Variants in ATAD3A observed in about 807,000 individuals in gnomAD.
ATAD3A encodes the protein ATPase family AAA domain-containing protein 3A.
ATAD3A carries 46 observed loss-of-function variants against 73.8 expected under a neutral mutation model. The observed-to-expected ratio is 0.62, with a 90% CI of 0.49 to 0.80. The LOEUF is 0.80. ATAD3A is among the 30% of genes least tolerant of loss of function. The pLI is 0.00. For missense variants in ATAD3A, 705 were observed against 838.0 expected, an observed-to-expected ratio of 0.84 and a Z score of 1.96; for synonymous variants, 319 against 350.0, an observed-to-expected ratio of 0.91 and a Z score of 0.99.
chr1:1,519,864 C>G (rs1245209360), intron 5 of ATAD3A, among the ~76,000 whole-genome samples: 2 of 152,246 alleles, frequency 1.3e-5, no homozygotes, highest in African/African-American at 4.8e-5. Flanking sequence ...GTGGCGCTGT[C>G]CCTACCAAGG....
chr1:1,525,301 A>C lies in ATAD3A; in HGVS notation c.1266+10A>C, dbSNP rs780864005. 1 of 1,613,218 alleles carries C rather than the reference A, an allele frequency of 6.2e-7. No individual in the cohort carries two copies. Among genetic ancestry groups the C allele is most frequent in the African/African-American group, 1.3e-5 (1 of 74,658 alleles). ...TCGGAAGCGAGCCACCGTGAGTGTC[A>C]CTAAGCCTCTGGCCACAATGGGGTG... On this transcript the variant is annotated intron_variant, in intron 12 of 15. Transcript: ENST00000378756.
Position 1,523,226 on chromosome 1 carries a change from C to T in ATAD3A, c.907-285C>T, listed in dbSNP as rs1209087666. ...TACAGGCCACGGCGTCTGGTGGCCT[C>T]CCTGGGGAGCCGCGCCGCTCGCCGC... On this transcript the variant is annotated intron_variant, in intron 8 of 15. Coordinates refer to ENST00000378756, the MANE Select transcript of ATAD3A (RefSeq NM_001170535.3). This position sits in a 1 kb window ranked among gnomAD's most constrained non-coding sequence, Gnocchi z 5.1. 2.0e-5 allele frequency among the ~76,000 whole-genome samples: 3 copies of T among 152,064 alleles called. No individual in the cohort carries two copies. The highest frequency in any genetic ancestry group is 2.9e-5 in the Non-Finnish European group (2 of 68,012).
rs1479695470 is a variant in ATAD3A, at chr1:1,516,440, C to T, written c.282+352C>T. On this transcript the variant is annotated intron_variant, in intron 2 of 15. Transcript: ENST00000378756. ...TTCGTTTTATTTATTTATTTTGAAA[C>T]GGAGTCTCTGTTTCCCAGGCTGGAG... Among the ~76,000 whole-genome samples, 8 of 152,014 alleles carry T rather than the reference C, an allele frequency of 5.3e-5. No individual in the cohort carries two copies. The South Asian group carries it at 6.2e-4, about 12-fold the overall frequency.
Position 1,520,691 on chromosome 1 carries a change from C to T in ATAD3A, c.750+74C>T, listed in dbSNP as rs1570333087. The T allele has an allele frequency of 6.2e-7, 1 of 1,609,184 alleles. No individual in the cohort carries two copies. Among genetic ancestry groups the T allele is most frequent in the East Asian group, 2.2e-5 (1 of 44,830 alleles). On this transcript the variant is annotated intron_variant, in intron 7 of 15. Coordinates refer to ENST00000378756, the MANE Select transcript of ATAD3A (RefSeq NM_001170535.3). The surrounding 1 kb of genome is among the most constrained non-coding windows in gnomAD (Gnocchi z 4.0). ...GTGGGGGCCTCCTGGAGCCCCAGGT[C>T]CTGTCCCTGCCGGCTCTGCACAGCC...
chr1:1,521,735 CTG>C (rs1425556175), intron 7 of ATAD3A, among the ~76,000 whole-genome samples: 24 of 152,324 alleles, frequency 1.6e-4, no homozygotes, highest in Non-Finnish European at 2.6e-4. Flanking sequence ...GGGTCTTGCT[CTG>C]TGGTCAGACT....
intron 15 of ATAD3A, among the ~76,000 whole-genome samples, chr1:1,532,823 T>C (rs1262267185): frequency 6.6e-6 from 1 of 151,726 alleles, no homozygotes; most frequent in Non-Finnish European, 1.5e-5. Flanking sequence ...CAGTGTCTCC[T>C]GCGCTCCCAG....
intron 7 of ATAD3A, 74 bp from the exon 8 acceptor site, chr1:1,522,670 A>G: frequency 6.3e-7 from 1 of 1,590,772 alleles, no homozygotes; most frequent in Non-Finnish European, 8.6e-7. Context: ...GGGTGGGGGC[A>G]GCCCCGTGCG....
At position 1,523,732 on chromosome 1, in the gene ATAD3A, A is replaced by C. The variant is rs1641693702; in HGVS notation, c.964-107A>C. On this transcript the variant is annotated intron_variant, in intron 9 of 15. Transcript: ENST00000378756. The surrounding 1 kb of genome is among the most constrained non-coding windows in gnomAD (Gnocchi z 5.1). The stretch of plus-strand genomic sequence containing the variant: ...ATAGATAGGCTGCCCCTGAGGTGGG[A>C]GGCTTCCCGAGGAGCCGAGTCTGCA... 8 of 1,588,906 alleles carry C rather than the reference A, an allele frequency of 5.0e-6. No individual in the cohort carries two copies. Among genetic ancestry groups the C allele is most frequent in the African/African-American group, 4.0e-5 (3 of 74,158 alleles).
chr1:1,532,712 G>C (rs1642071403), intron 15 of ATAD3A, among the ~76,000 whole-genome samples: 1 of 152,172 alleles, frequency 6.6e-6, no homozygotes, highest in African/African-American at 2.4e-5. Context: ...TGGACCCTGA[G>C]GGTCCCTGCA....
chr1:1,534,111 G>A lies in ATAD3A; in HGVS notation c.*39G>A, dbSNP rs763877973. The A allele has an allele frequency of 1.1e-5, 18 of 1,613,020 alleles. No individual in the cohort carries two copies. The highest frequency in any genetic ancestry group is 2.2e-5 in the South Asian group (2 of 91,040). ...TCCACAGCTCACGGAGCCTGGCCGC[G>A]GACCCCTCCCACCCCTGCCTTGCCG... On this transcript the variant is annotated 3_prime_UTR_variant, in exon 16 of 16. Coordinates refer to ENST00000378756, the MANE Select transcript of ATAD3A (RefSeq NM_001170535.3).
intron 15 of ATAD3A, among the ~76,000 whole-genome samples, chr1:1,532,091 CATTG>C (rs777500539): frequency 8.5e-5 from 13 of 152,250 alleles, no homozygotes; most frequent in Middle Eastern, 3.4e-3. Context: ...TTATGTGGAA[CATTG>C]ATTGATTTTT....
At position 1,534,263 on chromosome 1, in the gene ATAD3A, T is replaced by A. The variant is rs1642149628; in HGVS notation, c.*191T>A. The A allele has an allele frequency of 1.5e-5, 22 of 1,463,378 alleles. No individual in the cohort carries two copies. In the South Asian group the frequency reaches 3.1e-4, roughly 21 times the overall value. 90.6% of individuals were successfully genotyped at this position (1,463,378 alleles called of 1,614,324 possible). Reference sequence around the variant, plus strand: ...CCAGGGCACCCCCTGTTGTAGGCACTGGCTAGGGAGGGGCAGGCCTCCTTC... The same window carrying A: ...CCAGGGCACCCCCTGTTGTAGGCACAGGCTAGGGAGGGGCAGGCCTCCTTC... On this transcript the variant is annotated 3_prime_UTR_variant, in exon 16 of 16. Transcript: ENST00000378756.
Position 1,520,265 on chromosome 1 carries a change from G to A in ATAD3A, c.639G>A (p.Leu213=). ...NADIIREQIR[L]KAAEHRQTVL... is the part of the protein sequence containing the mutation. ...ACATCATCCGCGAGCAGATCCGCCT[G>A]AAGGCGGCCGAGCACCGTCAGACCG... Residue 213 remains leucine, a synonymous_variant, in exon 6 of 16, where the codon CTG becomes CTA. Transcript: ENST00000378756. The surrounding 1 kb of genome is among the most constrained non-coding windows in gnomAD (Gnocchi z 4.0). 1.2e-6 allele frequency: 2 copies of A among 1,613,070 alleles called. No individual in the cohort carries two copies. The highest frequency in any genetic ancestry group is 1.7e-6 in the Non-Finnish European group (2 of 1,179,700).
Position 1,512,455 on chromosome 1 carries a change from C to T in ATAD3A, c.187C>T (p.Arg63Cys). The change falls in exon 1 of 16, where the codon CGC (arginine) becomes TGC (cysteine). Residue 63 changes from arginine to cysteine, a missense_variant. Arg to Cys is a radical substitution (Grantham distance 180). Coordinates refer to ENST00000378756, the MANE Select transcript of ATAD3A (RefSeq NM_001170535.3). ...TGLERAAKAA[R>C]ELEHSRYAKD... is the part of the protein sequence containing the mutation. ...CCTGGAGCGCGCCGCCAAGGCGGCG[C>T]GCGAGCTGGAGCACTCGCGTGAGTG... The T allele has an allele frequency of 8.3e-7, 1 of 1,198,394 alleles. No individual in the cohort carries two copies. The highest frequency in any genetic ancestry group is 1.0e-6 in the Non-Finnish European group (1 of 966,192). 74.2% of individuals were successfully genotyped at this position (1,198,394 alleles called of 1,614,324 possible). A position where few individuals can be genotyped will look rare whatever the true frequency, so the allele number is the denominator to read the frequency against.
At chr1:1,527,113 C>T in intron 13 of ATAD3A, 1 of 1,260,230 alleles carries the variant, frequency 7.9e-7, no homozygotes, top group Non-Finnish European at 1.1e-6. Context: ...CCTAGTCCCT[C>T]CCAAGTCCCC....
chr1:1,519,249 C>T (rs1387697287), intron 5 of ATAD3A, among the ~76,000 whole-genome samples: 2 of 142,502 alleles, frequency 1.4e-5, no homozygotes, highest in African/African-American at 2.5e-5. Flanking sequence ...TTTTTTGAGA[C>T]GGAGTCTCGC....
chr1:1,529,153 T>A, intron 14 of ATAD3A, 70 bp from the exon 15 acceptor site: 1 of 1,582,234 alleles, frequency 6.3e-7, no homozygotes, highest in Non-Finnish European at 8.6e-7. Flanking sequence ...TCGCTGCCTG[T>A]CTTCCGGCCT....
rs150477823 is a variant in ATAD3A at position 1,523,841 on chromosome 1, C to T, written c.966C>T (p.Pro322=). ...QDALEGVVLS[P]SLEARVRDIA... is the part of the protein sequence containing the mutation. ...CAAACCCCCGTCTTCCCCGGCAGCC[C>T]AGCCTGGAAGCACGGGTGCGCGACA... is the stretch of plus-strand genomic sequence containing the variant. The change falls in exon 10 of 16, where the codon CCC becomes CCT. Residue 322 remains proline, a splice_region_variant and synonymous_variant. Coordinates refer to ENST00000378756, the MANE Select transcript of ATAD3A (RefSeq NM_001170535.3). The surrounding 1 kb of genome is among the most constrained non-coding windows in gnomAD (Gnocchi z 5.1). The T allele has an allele frequency of 2.8e-5, 45 of 1,613,842 alleles. No individual in the cohort carries two copies. Among genetic ancestry groups the T allele is most frequent in the Non-Finnish European group, 3.6e-5 (42 of 1,180,006 alleles).
At chr1:1,531,834 C>G (rs904760771) in intron 15 of ATAD3A, among the ~76,000 whole-genome samples, 5 of 151,626 alleles carry the variant, frequency 3.3e-5, no homozygotes, top group Non-Finnish European at 7.4e-5. Context: ...GTGGCTCACA[C>G]CTGTAACCAC....
Sources: allele counts gnomAD v4.1 joint callset (sites outside exome capture counted in the v4.1 genomes callset), GRCh38; gene constraint gnomAD v4.1.1; non-coding constraint Gnocchi (gnomAD v3.1); transcripts MANE v1.5; gene names NCBI Gene and HGNC (gene_info 2026-07-23, HGNC 2026-07-21).